Variants in NDE1 observed in about 807,000 individuals in gnomAD.
The protein encoded by NDE1 is nuclear distribution protein nudE homolog 1.
NDE1 carries 28 observed loss-of-function variants against 43.4 expected under a neutral mutation model. The ratio of observed to expected loss-of-function variants is 0.65; its 90% confidence interval spans 0.48 to 0.89. The LOEUF (loss-of-function observed/expected upper bound fraction) is 0.89. NDE1 is among the 40% of genes least tolerant of loss of function. The probability of loss-of-function intolerance (pLI) is 0.00; values close to 1 mark genes in which losing one functional copy is unlikely to be tolerated. For missense variants in NDE1, 441 were observed against 434.1 expected (o/e 1.02, Z -0.14); for synonymous variants, 184 against 172.0 (o/e 1.07, Z -0.55).
intron 6 of NDE1, among the ~76,000 whole-genome samples, chr16:15,693,582 C>T (rs2038859349): frequency 6.6e-6 from 1 of 151,990 alleles, no homozygotes; most frequent in Non-Finnish European, 1.5e-5. Flanking sequence ...GGGAGGATCG[C>T]TTGAAACTAG....
intron 8 of NDE1, chr16:15,718,089 G>A (rs1268039173): frequency 5.9e-6 from 4 of 674,654 alleles, no homozygotes; most frequent in East Asian, 2.8e-5. Context: ...CAGCCACGCC[G>A]TGGCTGGAAA....
At chr16:15,718,514 C>T in intron 8 of NDE1, 3 of 1,522,774 alleles carry the variant, frequency 2.0e-6, no homozygotes, top group Non-Finnish European at 1.8e-6. Flanking sequence ...GGAGTCATGC[C>T]TCAGGGGTAT....
intron 8 of NDE1, chr16:15,700,069 G>GGGAA: frequency 8.5e-7 from 1 of 1,172,104 alleles, no homozygotes; most frequent in East Asian, 6.1e-5. Flanking sequence ...GGGGCTCTCT[G>GGGAA]GGAAGGGCTC....
At chr16:15,651,142 C>T (rs2036481280) in intron 1 of NDE1, among the ~76,000 whole-genome samples, 2 of 152,204 alleles carry the variant, frequency 1.3e-5, no homozygotes, top group Non-Finnish European at 2.9e-5. Context: ...CTTTCTGCCT[C>T]CTGAGGGCCT....
At chr16:15,669,306 G>C (rs8061815) in intron 3 of NDE1, among the ~76,000 whole-genome samples, 1 of 150,418 alleles carries the variant, frequency 6.6e-6, no homozygotes, top group Non-Finnish European at 1.5e-5. Context: ...TGATTGTCCC[G>C]CCTCAGCCTC....
chr16:15,672,390 C>A (rs1837568124), intron 3 of NDE1, among the ~76,000 whole-genome samples: 1 of 152,130 alleles, frequency 6.6e-6, no homozygotes, highest in Non-Finnish European at 1.5e-5. Context: ...TGAGATTGCG[C>A]CACTGTACTG....
chr16:15,672,161 G>A (rs1194302498), intron 3 of NDE1, among the ~76,000 whole-genome samples: 5 of 152,060 alleles, frequency 3.3e-5, no homozygotes, highest in African/African-American at 9.7e-5. Flanking sequence ...TGGGCCTGGC[G>A]TGGTGGCTGA....
chr16:15,647,741 A>G (rs538546951), upstream of NDE1, among the ~76,000 whole-genome samples: 5 of 152,130 alleles, frequency 3.3e-5, no homozygotes, highest in Non-Finnish European at 5.9e-5. Flanking sequence ...AAGAATGCTC[A>G]TAATGCCGGG....
At chr16:15,677,147 G>A (rs746824329) in intron 3 of NDE1, among the ~76,000 whole-genome samples, 8 of 152,154 alleles carry the variant, frequency 5.3e-5, no homozygotes, top group Non-Finnish European at 8.8e-5. Flanking sequence ...TTCCCACCAC[G>A]TTACATCACT....
chr16:15,692,978 G>T (rs1195966834), intron 6 of NDE1, among the ~76,000 whole-genome samples: 13 of 151,376 alleles, frequency 8.6e-5, no homozygotes, highest in Admixed American at 8.6e-4. Context: ...GTGGGTCTTG[G>T]GTGGGGCCTG....
chr16:15,652,472 C>T (rs988653732), intron 1 of NDE1, among the ~76,000 whole-genome samples: 3 of 152,178 alleles, frequency 2.0e-5, no homozygotes, highest in Non-Finnish European at 4.4e-5. Context: ...TACACGTGCA[C>T]CTCGTGCAAT....
At chr16:15,708,755 A>G (rs928352490) in intron 8 of NDE1, 2 of 1,583,282 alleles carry the variant, frequency 1.3e-6, no homozygotes, top group African/African-American at 2.7e-5. Context: ...GGCAGAAAAG[A>G]AATGGATACT....
At chr16:15,667,950 G>A (rs558177812) in intron 3 of NDE1, among the ~76,000 whole-genome samples, 3 of 151,666 alleles carry the variant, frequency 2.0e-5, no homozygotes, top group Non-Finnish European at 4.4e-5. Context: ...TGATTTTATA[G>A]GGCACATGGC....
Position 15,724,471 on chromosome 16 carries a change from C to T in NDE1, c.*220C>T. 2 of 1,610,076 alleles carry T rather than the reference C, an allele frequency of 1.2e-6. No homozygotes were observed. Among genetic ancestry groups the T allele is most frequent in the Non-Finnish European group, 1.7e-6 (2 of 1,178,714 alleles). ...ACCATGAGTGGCCCCTGTCCCTGGC[C>T]CCACAGACTCTGAGAAGCGAAGACC... On this transcript the variant is annotated 3_prime_UTR_variant, in exon 9 of 9. Transcript: ENST00000396354.
At chr16:15,699,700 C>T (rs2039161663) in intron 8 of NDE1, 1 of 1,342,838 alleles carries the variant, frequency 7.4e-7, no homozygotes, top group Non-Finnish European at 9.8e-7. Flanking sequence ...GCTGTTATGT[C>T]AGCTTAATTT....
rs1363129308 is a variant in NDE1 at position 15,725,377 on chromosome 16, T to C, written c.*1126T>C. On this transcript the variant is annotated 3_prime_UTR_variant, in exon 9 of 9. Coordinates refer to ENST00000396354, the MANE Select transcript of NDE1 (RefSeq NM_017668.3). ...GAGGTGCTCTGGCTGGTCCACTCTC[T>C]AAGGCTGGAGAAGGGAGACCAGGAT... is the stretch of plus-strand genomic sequence containing the variant. The C allele has an allele frequency of 1.9e-6, 1 of 540,006 alleles. No individual in the cohort carries two copies. Among genetic ancestry groups the C allele is most frequent in the Non-Finnish European group, 3.2e-6 (1 of 309,530 alleles). 33.5% of individuals were successfully genotyped at this position (540,006 alleles called of 1,614,324 possible).
Position 15,680,076 on chromosome 16 carries a change from G to C in NDE1, c.386+2127G>C, listed in dbSNP as rs548067270. ...TTACGGGCTTGAGCCACCATACCCA[G>C]CCAGAGATGATGAATTCTTTTATGT... On this transcript the variant is annotated intron_variant, in intron 4 of 8. Coordinates refer to ENST00000396354, the MANE Select transcript of NDE1 (RefSeq NM_017668.3). Among the ~76,000 whole-genome samples the C allele has an allele frequency of 2.0e-5, 3 of 152,312 alleles. No homozygotes were observed. In the South Asian group the frequency reaches 6.2e-4, roughly 32 times the overall value.
rs540576709 is a variant in NDE1, at chr16:15,643,722, C to A, written c.-371C>A. ...CTGCCAACCTGGCTTCCTACGAGGT[C>A]CCCCGGAGTTCTCGCAAAGTTGCGA... On this transcript the variant is annotated 5_prime_UTR_variant, in exon 1 of 10. Transcript: ENST00000396355. 7 of 217,438 alleles carry A rather than the reference C, an allele frequency of 3.2e-5. No individual in the cohort carries two copies. The East Asian group carries it at 9.2e-4, about 29-fold the overall frequency. The allele number at this position is 217,438 out of a possible 1,614,324, so 13.5% of individuals were successfully genotyped here.
At chr16:15,701,023 G>A (rs1596646038) in intron 8 of NDE1, among the ~76,000 whole-genome samples, 2 of 152,138 alleles carry the variant, frequency 1.3e-5, no homozygotes, top group Middle Eastern at 6.8e-3. Context: ...ATTACCTGAG[G>A]TCAGGAGTTC....
Sources: allele counts gnomAD v4.1 joint callset (sites outside exome capture counted in the v4.1 genomes callset), GRCh38; gene constraint gnomAD v4.1.1; transcripts MANE v1.5; gene names NCBI Gene and HGNC (gene_info 2026-07-23, HGNC 2026-07-21).